The following FAM78B variants were observed in gnomAD, a reference collection of about 807,000 sequenced individuals.
FAM78B encodes protein FAM78B.
In FAM78B, 10 loss-of-function variants were observed where a neutral mutation model predicts 20.0. The ratio of observed to expected loss-of-function variants is 0.50; its 90% CI spans 0.31 to 0.85. The LOEUF is 0.85. FAM78B is among the 40% of genes least tolerant of loss of function. FAM78B has a pLI of 0.05. For missense variants in FAM78B, 283 were observed against 345.0 expected (o/e 0.82, Z 1.42); for synonymous variants, 135 against 132.8 (o/e 1.02, Z -0.12).
chr1:166,069,929 C>T lies in FAM78B; in HGVS notation c.*312G>A. ...TTTCGTTTCCATCCCCTGCATCTCA[C>T]AGGAAAGAAATGGTCAATAGTTCAG... On this transcript the variant is annotated 3_prime_UTR_variant, in exon 2 of 2. Transcript: ENST00000354422. The T allele has an allele frequency of 3.5e-5, 36 of 1,034,512 alleles. No homozygotes were observed. The highest frequency in any genetic ancestry group is 4.1e-5 in the Non-Finnish European group (35 of 854,354). 64.1% of individuals were successfully genotyped at this position (1,034,512 alleles called of 1,614,324 possible).
chr1:166,142,508 C>A (rs1040772343), intron 1 of FAM78B, among the ~76,000 whole-genome samples: 3 of 152,160 alleles, frequency 2.0e-5, no homozygotes, highest in Non-Finnish European at 2.9e-5. Flanking sequence ...TTCCTCCCCT[C>A]AAGGATCTTG....
In FAM78B at chr1:166,070,218, C is replaced by T. The variant is rs778667518; in HGVS notation, c.*23G>A. ...GCATGTCTCAGAGGCGTGTGATCCA[C>T]ACACAGTCAGGCCAGTCTGCTTCTA... is the stretch of plus-strand genomic sequence containing the variant. On this transcript the variant is annotated 3_prime_UTR_variant, in exon 2 of 2. Coordinates refer to ENST00000354422, the MANE Select transcript of FAM78B (RefSeq NM_001017961.5). 5 of 1,508,024 alleles carry T rather than the reference C, an allele frequency of 3.3e-6. No individual in the cohort carries two copies. Among genetic ancestry groups the T allele is most frequent in the South Asian group, 1.4e-5 (1 of 73,016 alleles). The allele number at this position is 1,508,024 out of a possible 1,614,324, so 93.4% of individuals were successfully genotyped here.
chr1:166,156,120 C>A (rs1412327992), intron 1 of FAM78B, among the ~76,000 whole-genome samples: 1 of 152,244 alleles, frequency 6.6e-6, no homozygotes, highest in Non-Finnish European at 1.5e-5. Context: ...TCTGAAAGGT[C>A]AGGCCCCAGG....
Position 166,109,997 on chromosome 1 carries a change from T to C in FAM78B, c.264-39234A>G, listed in dbSNP as rs573749937. On this transcript the variant is annotated intron_variant, in intron 1 of 1. Transcript: ENST00000354422. ...ACCTGGATGAGACTGGAGACTGTTA[T>C]TGTAAGTAAAGTAACTCAGGAATGG... Among the ~76,000 whole-genome samples, 18 of 146,358 alleles carry C rather than the reference T, an allele frequency of 1.2e-4. 1 individual carries two copies. Among genetic ancestry groups the C allele is most frequent in the Admixed American group, 1.2e-3 (17 of 14,622 alleles).
rs991815436 is a variant in FAM78B, at chr1:166,140,884, A to G, written c.263+25102T>C. On this transcript the variant is annotated intron_variant, in intron 1 of 1. Transcript: ENST00000354422. Reference sequence around the variant, plus strand: ...GGGGCAGCAGCAGAAGCTGCTCTCAAAACAACCCTGTGAGGCAGGTAATAT... The same window carrying G: ...GGGGCAGCAGCAGAAGCTGCTCTCAGAACAACCCTGTGAGGCAGGTAATAT... 1.3e-5 allele frequency among the ~76,000 whole-genome samples: 2 copies of G among 152,198 alleles called. 1 individual carries two copies. Among genetic ancestry groups the G allele is most frequent in the South Asian group, 4.1e-4 (2 of 4,836 alleles).
chr1:166,155,967 C>T (rs1189200681), intron 1 of FAM78B, among the ~76,000 whole-genome samples: 2 of 152,230 alleles, frequency 1.3e-5, no homozygotes, highest in Non-Finnish European at 1.5e-5. Context: ...GTACCTGCCG[C>T]CACACATGCC....
intron 1 of FAM78B, among the ~76,000 whole-genome samples, chr1:166,147,333 A>C (rs879838703): frequency 6.6e-6 from 1 of 152,170 alleles, no homozygotes; most frequent in Admixed American, 6.5e-5. Flanking sequence ...ATAACGCCTA[A>C]ATGAGCATCA....
intron 1 of FAM78B, among the ~76,000 whole-genome samples, chr1:166,083,617 G>A (rs1652668916): frequency 6.6e-6 from 1 of 152,248 alleles, no homozygotes; most frequent in African/African-American, 2.4e-5. Flanking sequence ...TGCTTCTCCT[G>A]CCTCAGCCTC....
rs4639733 is a variant in FAM78B, at chr1:166,069,730, A to G, written c.*511T>C. On this transcript the variant is annotated 3_prime_UTR_variant, in exon 2 of 2. Coordinates refer to ENST00000354422, the MANE Select transcript of FAM78B (RefSeq NM_001017961.5). ...TCAACTAATAAATGCAGAAGTATTA[A>G]TGTGTCATAAAACCTTATTCTTTCC... is the stretch of plus-strand genomic sequence containing the variant. The G allele has an allele frequency of 0.38, 58,569 of 152,568 alleles. 11,609 individuals are homozygous for G. Among genetic ancestry groups the G allele is most frequent in the Middle Eastern group, 0.49 (143 of 294 alleles). 9.5% of individuals were successfully genotyped at this position (152,568 alleles called of 1,614,324 possible).
Position 166,073,776 on chromosome 1 carries a change from G to A in FAM78B, c.264-3013C>T, listed in dbSNP as rs117131392. Reference sequence around the variant, plus strand: ...CATCATTTCCACCATAAACCAAGCCGTCTTCCCCTGTCTCTCTGCAAGGGG... The same window carrying A: ...CATCATTTCCACCATAAACCAAGCCATCTTCCCCTGTCTCTCTGCAAGGGG... On this transcript the variant is annotated intron_variant, in intron 1 of 1. Coordinates refer to ENST00000354422, the MANE Select transcript of FAM78B (RefSeq NM_001017961.5). Among the ~76,000 whole-genome samples, 450 of 152,204 alleles carry A rather than the reference G, an allele frequency of 3.0e-3. 1 individual carries two copies. In the East Asian group the frequency reaches 0.032, roughly 11 times the overall value.
At chr1:166,077,478 T>C (rs1487278878) in intron 1 of FAM78B, among the ~76,000 whole-genome samples, 1 of 151,412 alleles carries the variant, frequency 6.6e-6, no homozygotes, top group Non-Finnish European at 1.5e-5. Flanking sequence ...CAGATCTCCC[T>C]ACATCTCAGA....
At chr1:166,100,585 T>G (rs900287780) in intron 1 of FAM78B, among the ~76,000 whole-genome samples, 12 of 152,232 alleles carry the variant, frequency 7.9e-5, no homozygotes, top group Non-Finnish European at 1.2e-4. Context: ...CCACAGAGCC[T>G]TGCTGATTGC....
chr1:166,102,798 A>G (rs1653584647), intron 1 of FAM78B, among the ~76,000 whole-genome samples: 1 of 152,174 alleles, frequency 6.6e-6, no homozygotes, highest in Non-Finnish European at 1.5e-5. Context: ...AGACAGATCA[A>G]TGAGACAGAA....
Position 166,158,284 on chromosome 1 carries a change from C to T in FAM78B, c.263+7702G>A, listed in dbSNP as rs146792807. ...AGGCTGCAATGAGCTGTGATTGTGC[C>T]ACTGCACTCCAGCCTGGGTAACAGA... On this transcript the variant is annotated intron_variant, in intron 1 of 1. Coordinates refer to ENST00000354422, the MANE Select transcript of FAM78B (RefSeq NM_001017961.5). 1.2e-4 allele frequency among the ~76,000 whole-genome samples: 18 copies of T among 152,274 alleles called. 1 individual carries two copies. The highest frequency in any genetic ancestry group is 4.1e-4 in the South Asian group (2 of 4,824).
chr1:166,153,840 T>A (rs897231745), intron 1 of FAM78B, among the ~76,000 whole-genome samples: 1 of 152,154 alleles, frequency 6.6e-6, no homozygotes, highest in Non-Finnish European at 1.5e-5. Flanking sequence ...CCTCCCTCTA[T>A]ACCCCCCTTA....
At chr1:166,060,051 A>G (rs543815408) in exon 3 of FAM78B, 1 of 160,200 alleles carries the variant, frequency 6.2e-6, no homozygotes, top group South Asian at 1.8e-4. Flanking sequence ...GGTGACTTAC[A>G]CTCTGCCCCT....
chr1:166,164,849 G>A (rs1405441741), intron 1 of FAM78B: 1 of 152,182 alleles, frequency 6.6e-6, no homozygotes, highest in Non-Finnish European at 1.5e-5. Flanking sequence ...CCAGAAAAAG[G>A]GTTTCCCTGT....
intron 1 of FAM78B, among the ~76,000 whole-genome samples, chr1:166,118,595 T>C (rs776475642): frequency 4.5e-4 from 68 of 152,298 alleles, no homozygotes; most frequent in South Asian, 6.2e-4. Flanking sequence ...CATTCATTTA[T>C]ATATTCTCTT....
Position 166,157,716 on chromosome 1 carries a change from G to C in FAM78B, c.263+8270C>G, listed in dbSNP as rs564294617. ...CACCCGAACAGCAACTGCCCGGAGA[G>C]TTTGAGGGATGAATAGCTATCCATA... On this transcript the variant is annotated intron_variant, in intron 1 of 1. Transcript: ENST00000354422. Among the ~76,000 whole-genome samples, 18 of 152,326 alleles carry C rather than the reference G, an allele frequency of 1.2e-4. No individual in the cohort carries two copies. In the East Asian group the frequency reaches 3.5e-3, roughly 29 times the overall value.
Sources: allele counts gnomAD v4.1 joint callset (sites outside exome capture counted in the v4.1 genomes callset), GRCh38; gene constraint gnomAD v4.1.1; transcripts MANE v1.5; gene names NCBI Gene and HGNC (gene_info 2026-07-23, HGNC 2026-07-21).